Variants in CERS6 observed in about 807,000 individuals in gnomAD.
CERS6 encodes the protein ceramide synthase 6.
CERS6 carries 26 observed loss-of-function variants against 56.8 expected under a neutral mutation model. That is an observed-to-expected ratio of 0.46 (90% CI 0.34 to 0.63). The LOEUF is 0.63. Ranked by LOEUF, CERS6 falls within the 30% of genes least tolerant of loss-of-function variation. The probability of loss-of-function intolerance (pLI) is 0.01; values close to 1 mark genes in which losing one functional copy is unlikely to be tolerated. For synonymous variants in CERS6, 164 were observed against 173.3 expected (o/e 0.95, Z 0.42); for missense variants, 415 against 467.5 (o/e 0.89, Z 1.04).
intron 3 of CERS6, among the ~76,000 whole-genome samples, chr2:168,605,600 A>C (rs1684034007): frequency 6.6e-6 from 1 of 152,152 alleles, no homozygotes; most frequent in African/African-American, 2.4e-5. Context: ...CTCCCATCAC[A>C]GACCAAGAGT....
intron 4 of CERS6, among the ~76,000 whole-genome samples, chr2:168,642,356 G>T (rs1574122623): frequency 6.6e-6 from 1 of 152,166 alleles, no homozygotes; most frequent in African/African-American, 2.4e-5. Context: ...ACACAAAAAA[G>T]ATCTACCCTC....
chr2:168,578,439 C>G (rs72877806), intron 3 of CERS6, among the ~76,000 whole-genome samples: 8,185 of 152,222 alleles, frequency 0.054, 240 homozygotes, highest in African/African-American at 0.08. Flanking sequence ...TCCCTTCTCT[C>G]CTAAGAAATT....
At chr2:168,726,123 CT>C (rs1683344149) in intron 8 of CERS6, among the ~76,000 whole-genome samples, 1 of 152,194 alleles carries the variant, frequency 6.6e-6, no homozygotes, top group South Asian at 2.1e-4. Flanking sequence ...GAATTAGGTA[CT>C]CTTTAATTAT....
chr2:168,620,014 TACACACACACAC>T (rs1160024194), intron 3 of CERS6, among the ~76,000 whole-genome samples: 39 of 61,260 alleles, frequency 6.4e-4, no homozygotes, highest in African/African-American at 1.6e-3. Context: ...CCACAATCCA[TACACACACACAC>T]ACACACACAC....
intron 3 of CERS6, among the ~76,000 whole-genome samples, chr2:168,619,018 A>G (rs1684394760): frequency 6.6e-6 from 1 of 152,250 alleles, no homozygotes; most frequent in African/African-American, 2.4e-5. Context: ...AAATAGATAC[A>G]TAGACCAATG....
chr2:168,456,431 A>G lies in CERS6; in HGVS notation c.-18A>G, dbSNP rs776051450. On this transcript the variant is annotated 5_prime_UTR_variant, in exon 1 of 10. Transcript: ENST00000305747. This position sits in a 1 kb window ranked among gnomAD's most constrained non-coding sequence, Gnocchi z 4.1. ...TGGCGGGCTGCGGGTGCCGCAGGAC[A>G]GGAGTGGACAAAGCAAGATGGCAGG... The G allele has an allele frequency of 1.8e-5, 29 of 1,600,688 alleles. No individual in the cohort carries two copies. The highest frequency in any genetic ancestry group is 1.5e-4 in the African/African-American group (11 of 73,936).
At chr2:168,708,424 A>G (rs1241357950) in intron 6 of CERS6, among the ~76,000 whole-genome samples, 1 of 152,174 alleles carries the variant, frequency 6.6e-6, no homozygotes, top group African/African-American at 2.4e-5. Flanking sequence ...ATACATTTGT[A>G]TGTGCCTTGA....
chr2:168,656,092 A>C, intron 4 of CERS6, among the ~76,000 whole-genome samples: 1 of 152,210 alleles, frequency 6.6e-6, no homozygotes, highest in South Asian at 2.1e-4. Flanking sequence ...GTCTTCTCAA[A>C]GCTTTCCTCC....
intron 1 of CERS6, among the ~76,000 whole-genome samples, chr2:168,501,776 A>G (rs1177980210): frequency 6.6e-6 from 1 of 152,158 alleles, no homozygotes; most frequent in Non-Finnish European, 1.5e-5. Flanking sequence ...AATGGGCCAG[A>G]TTTTTCAAAC....
In CERS6 at chr2:168,456,358, G is replaced by A. The variant is rs977242804; in HGVS notation, c.-91G>A. 3.7e-5 allele frequency: 38 copies of A among 1,022,402 alleles called. No individual in the cohort carries two copies. In the African/African-American group the frequency reaches 5.7e-4, roughly 15 times the overall value. 63.3% of individuals were successfully genotyped at this position (1,022,402 alleles called of 1,614,324 possible). A position where few individuals can be genotyped will look rare whatever the true frequency, so the allele number is the denominator to read the frequency against. ...GCAGCGGCGGCGGCGGCACAGGCTC[G>A]GGGCCAGCCGGGCGCGCATCCCCGG... On this transcript the variant is annotated 5_prime_UTR_variant, in exon 1 of 10. Transcript: ENST00000305747. This position sits in a 1 kb window ranked among gnomAD's most constrained non-coding sequence, Gnocchi z 4.1.
At chr2:168,639,015 T>C (rs1205082377) in intron 4 of CERS6, among the ~76,000 whole-genome samples, 3 of 152,032 alleles carry the variant, frequency 2.0e-5, no homozygotes, top group African/African-American at 7.3e-5. Flanking sequence ...CTTGATAACA[T>C]AGCAACTTTG....
intron 4 of CERS6, among the ~76,000 whole-genome samples, chr2:168,660,706 A>C (rs1685607166): frequency 1.3e-5 from 2 of 151,800 alleles, no homozygotes; most frequent in South Asian, 4.2e-4. Flanking sequence ...TCCTCTAAAA[A>C]TTTCACACGA....
intron 4 of CERS6, among the ~76,000 whole-genome samples, chr2:168,632,451 G>A (rs2105298103): frequency 6.6e-6 from 1 of 152,192 alleles, no homozygotes; most frequent in Middle Eastern, 3.4e-3. Context: ...TGTTTTAGAG[G>A]ATTGTTTTTT....
chr2:168,587,949 A>G (rs1337841821), intron 3 of CERS6, among the ~76,000 whole-genome samples: 1 of 152,072 alleles, frequency 6.6e-6, no homozygotes, highest in Non-Finnish European at 1.5e-5. Context: ...TTTTACAGAC[A>G]GTGTTTCACT....
intron 4 of CERS6, among the ~76,000 whole-genome samples, chr2:168,679,533 TTCTC>T (rs1020583009): frequency 2.6e-5 from 4 of 152,352 alleles, no homozygotes; most frequent in African/African-American, 9.6e-5. Flanking sequence ...TTCCCATCTT[TTCTC>T]TCTTTCTCAT....
chr2:168,627,894 A>G (rs1010160223), intron 3 of CERS6, among the ~76,000 whole-genome samples: 5 of 151,940 alleles, frequency 3.3e-5, no homozygotes, highest in Admixed American at 1.3e-4. Flanking sequence ...TTTACCCTCT[A>G]TGTAAATGAC....
intron 3 of CERS6, among the ~76,000 whole-genome samples, chr2:168,620,011 C>CACACA (rs1684423336): frequency 2.7e-5 from 1 of 37,238 alleles, no homozygotes; most frequent in East Asian, 1.4e-3. Flanking sequence ...GTTCCACAAT[C>CACACA]CATACACACA....
At chr2:168,678,812 T>C (rs766609465) in intron 4 of CERS6, among the ~76,000 whole-genome samples, 6 of 152,186 alleles carry the variant, frequency 3.9e-5, no homozygotes, top group Non-Finnish European at 8.8e-5. Context: ...GATCCTATGA[T>C]CCAGCAATCC....
At chr2:168,555,166 T>C (rs917577037) in intron 2 of CERS6, among the ~76,000 whole-genome samples, 8 of 152,198 alleles carry the variant, frequency 5.3e-5, no homozygotes, top group African/African-American at 1.9e-4. Context: ...TGCTGTATTA[T>C]GTTAAAAAAC....
Sources: allele counts gnomAD v4.1 joint callset (sites outside exome capture counted in the v4.1 genomes callset), GRCh38; gene constraint gnomAD v4.1.1; non-coding constraint Gnocchi (gnomAD v3.1); transcripts MANE v1.5; gene names NCBI Gene and HGNC (gene_info 2026-07-23, HGNC 2026-07-21).